Variants in TENM3 observed in about 807,000 individuals in gnomAD.
TENM3 encodes teneurin-3.
In TENM3, 63 loss-of-function variants were observed where a neutral mutation model predicts 255.1. That is an observed-to-expected ratio of 0.25 (90% CI 0.20 to 0.30). TENM3 has a LOEUF of 0.30. Ranked by LOEUF, TENM3 falls within the 10% of genes least tolerant of loss-of-function variation. TENM3 has a pLI of 1.00. For synonymous variants in TENM3, 1,306 were observed against 1,322.3 expected, an observed-to-expected ratio of 0.99 and a Z score of 0.27; for missense variants, 2,929 against 3,461.1, an observed-to-expected ratio of 0.85 and a Z score of 3.86.
At chr4:181,703,447 A>G in the TENM3 span, among the ~76,000 whole-genome samples, 41 of 152,214 alleles carry the variant, frequency 2.7e-4, no homozygotes, top group Non-Finnish European at 5.1e-4. Flanking sequence ...ATACAGATCT[A>G]AGAGGGGAAC....
intron 3 of TENM3, among the ~76,000 whole-genome samples, chr4:182,479,172 C>T (rs1391038476): frequency 1.3e-5 from 2 of 151,776 alleles, no homozygotes; most frequent in Admixed American, 1.3e-4. Context: ...AAAATACAGT[C>T]TTTTAGCTTG....
At chr4:182,230,547 C>T (rs937047931) in intron 1 of TENM3, among the ~76,000 whole-genome samples, 18 of 151,870 alleles carry the variant, frequency 1.2e-4, no homozygotes, top group Admixed American at 1.2e-3. Flanking sequence ...CAGACAGTCA[C>T]TGCTGTCACA....
At position 182,799,917 on chromosome 4, in the gene TENM3, G is replaced by A; in HGVS notation, c.7666G>A (p.Glu2556Lys). ...THYFIKTTTPESDLGTLRLTS... is the reference protein window; with the variant it reads ...THYFIKTTTPKSDLGTLRLTS... ...CTACTTCATCAAGACCACCACGCCC[G>A]AGAGCGACCTGGGCACGCTGCGGTT... The change falls in exon 28 of 28, where the codon GAG becomes AAG. Residue 2556 changes from glutamate (E) to lysine (K), a missense_variant. Coordinates refer to ENST00000511685, the MANE Select transcript of TENM3 (RefSeq NM_001080477.4). This position sits in a 1 kb window ranked among gnomAD's most constrained non-coding sequence, Gnocchi z 4.2. 6.2e-7 allele frequency: 1 copy of A among 1,604,186 alleles called. No individual in the cohort carries two copies.
chr4:182,326,395 A>G (rs1239559173), intron 2 of TENM3, among the ~76,000 whole-genome samples: 2 of 152,168 alleles, frequency 1.3e-5, no homozygotes, highest in East Asian at 1.9e-4. Context: ...CCTGAGAACT[A>G]AGCTGGAACT....
chr4:181,570,503 C>A, the TENM3 span, among the ~76,000 whole-genome samples: 1 of 135,076 alleles, frequency 7.4e-6, no homozygotes, highest in African/African-American at 2.8e-5. Context: ...CCTGTCTCAG[C>A]GACAAAGAAA....
the TENM3 span, among the ~76,000 whole-genome samples, chr4:181,475,303 C>A: frequency 6.6e-6 from 1 of 152,204 alleles, no homozygotes. Context: ...TCTCCGTATT[C>A]ATCTGGTGCT....
chr4:181,620,562 A>G, the TENM3 span, among the ~76,000 whole-genome samples: 3 of 151,918 alleles, frequency 2.0e-5, no homozygotes, highest in African/African-American at 2.4e-5. Flanking sequence ...TTGGAAATGA[A>G]CTCTCAATGT....
chr4:182,485,452 A>G (rs1014660304), intron 3 of TENM3, among the ~76,000 whole-genome samples: 1 of 152,154 alleles, frequency 6.6e-6, no homozygotes, highest in Non-Finnish European at 1.5e-5. Flanking sequence ...CCCAATTTCA[A>G]TCCTGACCAA....
intron 13 of TENM3, among the ~76,000 whole-genome samples, chr4:182,715,052 T>A (rs1193790383): frequency 6.6e-6 from 1 of 152,026 alleles, no homozygotes; most frequent in Non-Finnish European, 1.5e-5. Flanking sequence ...ACCTGGCTAA[T>A]TTTGTATTTT....
the TENM3 span, among the ~76,000 whole-genome samples, chr4:181,721,022 A>C: frequency 6.6e-6 from 1 of 152,112 alleles, no homozygotes; most frequent in Non-Finnish European, 1.5e-5. Context: ...CCAGATGAGC[A>C]TGAAGGCAGA....
chr4:182,272,242 T>G (rs556475668), intron 1 of TENM3, among the ~76,000 whole-genome samples: 83 of 152,272 alleles, frequency 5.5e-4, no homozygotes, highest in African/African-American at 2.0e-3. Context: ...ATCTCAATCC[T>G]CCACACTGTA....
At chr4:181,618,416 A>G in the TENM3 span, among the ~76,000 whole-genome samples, 1 of 152,216 alleles carries the variant, frequency 6.6e-6, no homozygotes, top group Non-Finnish European at 1.5e-5. Context: ...AAAGGCAGTC[A>G]AGGGTATTAG....
intron 12 of TENM3, among the ~76,000 whole-genome samples, chr4:182,688,927 G>C (rs1408432863): frequency 6.6e-6 from 1 of 152,102 alleles, no homozygotes; most frequent in East Asian, 1.9e-4. Context: ...TTTCATATAT[G>C]ATGACATTTG....
At chr4:181,518,234 T>G in the TENM3 span, among the ~76,000 whole-genome samples, 1 of 152,106 alleles carries the variant, frequency 6.6e-6, no homozygotes, top group South Asian at 2.1e-4. Flanking sequence ...GGTCATTAGC[T>G]TTTGTGGTAA....
intron 1 of TENM3, among the ~76,000 whole-genome samples, chr4:182,253,756 C>CTAA (rs1240469138): frequency 6.6e-6 from 1 of 152,206 alleles, no homozygotes; most frequent in East Asian, 1.9e-4. Flanking sequence ...TTGACATTAT[C>CTAA]TAATCTATTT....
the TENM3 span, among the ~76,000 whole-genome samples, chr4:181,702,248 G>A: frequency 3.3e-5 from 5 of 152,240 alleles, no homozygotes; most frequent in East Asian, 3.9e-4. Context: ...TCTGTCCTTC[G>A]GTCTCAGTAA....
Position 182,801,487 on chromosome 4 carries a change from T to G in TENM3, c.*1136T>G, listed in dbSNP as rs557424640. On this transcript the variant is annotated 3_prime_UTR_variant, in exon 28 of 28. Transcript: ENST00000511685. ...TCTGGCCCTCTCTCAACCTTGCAAG[T>G]CAATGGGGAGTTGTTGATATAATTA... 2 of 152,284 alleles carry G rather than the reference T, an allele frequency of 1.3e-5. No homozygotes were observed. The highest frequency in any genetic ancestry group is 4.8e-5 in the African/African-American group (2 of 41,528). The allele number at this position is 152,284 out of a possible 1,614,324, so 9.4% of individuals were successfully genotyped here. A position where few individuals can be genotyped will look rare whatever the true frequency, so the allele number is the denominator to read the frequency against.
At chr4:181,629,654 G>A in the TENM3 span, among the ~76,000 whole-genome samples, 11 of 152,252 alleles carry the variant, frequency 7.2e-5, no homozygotes, top group East Asian at 1.9e-3. Context: ...ATTTGCATAT[G>A]TTGAACCAGC....
chr4:182,744,463 C>G (rs749247081), intron 19 of TENM3, among the ~76,000 whole-genome samples: 3 of 151,888 alleles, frequency 2.0e-5, no homozygotes, highest in Non-Finnish European at 4.4e-5. Context: ...AGTTACTGAC[C>G]GACACAATCT....
Sources: gnomAD v4.1 joint callset for allele counts (sites outside exome capture counted in the v4.1 genomes callset) on GRCh38, gnomAD v4.1.1 for gene constraint, Gnocchi (gnomAD v3.1) non-coding constraint, MANE v1.5 for transcripts, NCBI Gene and HGNC (gene_info 2026-07-23, HGNC 2026-07-21) for gene names.